The following NBAS variants were observed in gnomAD, a reference collection of about 807,000 sequenced individuals.
NBAS encodes NAG/BC035112 fusion.
Under a neutral mutation model 302.5 loss-of-function variants are expected in NBAS, and 219 were observed. The ratio of observed to expected loss-of-function variants is 0.72; its 90% CI spans 0.65 to 0.81. The LOEUF is 0.81. NBAS is among the 30% of genes least tolerant of loss of function. The pLI, the probability that NBAS is intolerant of heterozygous loss-of-function variation, is 0.00. For missense variants in NBAS, 2,932 were observed against 2,841.6 expected, an observed-to-expected ratio of 1.03 and a Z score of -0.72; for synonymous variants, 1,118 against 1,021.6, an observed-to-expected ratio of 1.09 and a Z score of -1.80.
chr2:15,503,862 G>A (rs1661704580), intron 11 of NBAS, among the ~76,000 whole-genome samples: 1 of 152,126 alleles, frequency 6.6e-6, no homozygotes, highest in African/African-American at 2.4e-5. Context: ...TGTATATAAT[G>A]TTTCTAGGAG....
At chr2:14,992,827 T>C in the NBAS span, among the ~76,000 whole-genome samples, 748 of 152,220 alleles carry the variant, frequency 4.9e-3, 2 homozygotes, top group Admixed American at 0.01. Flanking sequence ...GATTCTAAAC[T>C]GGTCAAAGGA....
At chr2:15,083,673 A>G in the NBAS span, among the ~76,000 whole-genome samples, 2 of 152,210 alleles carry the variant, frequency 1.3e-5, no homozygotes, top group Non-Finnish European at 2.9e-5. Context: ...TATCACAACA[A>G]AATCACAGTT....
intron 36 of NBAS, among the ~76,000 whole-genome samples, chr2:15,329,590 T>C (rs565284780): frequency 2.2e-4 from 34 of 152,324 alleles, no homozygotes; most frequent in Non-Finnish European, 3.8e-4. Flanking sequence ...ATAGTCGTTA[T>C]CACAGTCTAC....
the NBAS span, among the ~76,000 whole-genome samples, chr2:14,863,948 G>A: frequency 2.6e-5 from 4 of 152,092 alleles, no homozygotes; most frequent in Admixed American, 1.3e-4. Flanking sequence ...TGGCATTTGA[G>A]GGCAAAAGCT....
At chr2:15,079,103 C>A in the NBAS span, among the ~76,000 whole-genome samples, 1 of 152,094 alleles carries the variant, frequency 6.6e-6, no homozygotes, top group African/African-American at 2.4e-5. Flanking sequence ...TAGGTGACCT[C>A]AGAATCCTCT....
chr2:14,789,278 C>T, the NBAS span, among the ~76,000 whole-genome samples: 25 of 152,294 alleles, frequency 1.6e-4, no homozygotes, highest in South Asian at 2.3e-3. Context: ...CGACCCCTTG[C>T]GCTTCCCAAG....
intron 35 of NBAS, among the ~76,000 whole-genome samples, chr2:15,341,903 G>C (rs1672870560): frequency 6.6e-6 from 1 of 152,046 alleles, no homozygotes; most frequent in African/African-American, 2.4e-5. Flanking sequence ...GAATTGTGTT[G>C]GCACTGTGTT....
chr2:15,530,181 G>A (rs539358478), intron 9 of NBAS, among the ~76,000 whole-genome samples: 1 of 152,132 alleles, frequency 6.6e-6, no homozygotes, highest in African/African-American at 2.4e-5. Flanking sequence ...TAAGTTAACA[G>A]TATTATATTT....
intron 25 of NBAS, among the ~76,000 whole-genome samples, chr2:15,410,211 A>C (rs1236018167): frequency 6.6e-6 from 1 of 152,186 alleles, no homozygotes. Context: ...TATTTTCTGC[A>C]TGACAAAGAA....
chr2:14,994,074 A>G, the NBAS span, among the ~76,000 whole-genome samples: 2 of 152,188 alleles, frequency 1.3e-5, no homozygotes, highest in Admixed American at 6.5e-5. Flanking sequence ...ATGTTTGCTT[A>G]CATGCATCTT....
chr2:14,946,154 A>C, the NBAS span, among the ~76,000 whole-genome samples: 1 of 152,212 alleles, frequency 6.6e-6, no homozygotes, highest in African/African-American at 2.4e-5. Flanking sequence ...CAAAGAGTAA[A>C]AAGTTTATCA....
chr2:14,881,173 A>G, the NBAS span, among the ~76,000 whole-genome samples: 33 of 152,158 alleles, frequency 2.2e-4, no homozygotes, highest in Non-Finnish European at 3.8e-4. Flanking sequence ...TAATGAAGTC[A>G]TATCCTTTGC....
the NBAS span, among the ~76,000 whole-genome samples, chr2:14,787,723 A>C: frequency 1.3e-5 from 2 of 152,118 alleles, no homozygotes; most frequent in Non-Finnish European, 2.9e-5. Context: ...CTTTGTGGGT[A>C]ACCCGACCTT....
At chr2:15,227,926 G>A (rs1186825701) in intron 47 of NBAS, among the ~76,000 whole-genome samples, 2 of 152,118 alleles carry the variant, frequency 1.3e-5, no homozygotes, top group Non-Finnish European at 2.9e-5. Context: ...AAATTGGACT[G>A]AGAAAAGATA....
chr2:15,180,687 C>T (rs1664777990), intron 50 of NBAS, among the ~76,000 whole-genome samples: 1 of 152,206 alleles, frequency 6.6e-6, no homozygotes. Flanking sequence ...CTGCCCAATA[C>T]CGCAGCCACA....
In NBAS at chr2:15,167,132, C is replaced by A. The variant is rs1186052888; in HGVS notation, c.7032G>T (p.Gly2344=). Residue 2344 remains glycine, a synonymous_variant, in exon 52 of 52, where the codon GGG becomes GGT. Coordinates refer to ENST00000281513, the MANE Select transcript of NBAS (RefSeq NM_015909.4). The part of the protein sequence containing the change: ...LREAGHEAEA[G]SLLLAVRGTH... ...TCCCCCTCACGGCCAGAAGGAGAGA[C>A]CCGGCTTCGGCTTCATGGCCGGCCT... The A allele has an allele frequency of 3.1e-6, 5 of 1,614,074 alleles. No individual in the cohort carries two copies. The African/African-American group carries it at 6.7e-5, about 22-fold the overall frequency.
At chr2:15,560,960 C>T (rs1330673013) in intron 1 of NBAS, among the ~76,000 whole-genome samples, 1 of 152,160 alleles carries the variant, frequency 6.6e-6, no homozygotes, top group Non-Finnish European at 1.5e-5. Flanking sequence ...GAAGTTCCAG[C>T]CCCCAACAAC....
chr2:15,224,634 T>C (rs994166918), intron 47 of NBAS, among the ~76,000 whole-genome samples: 6 of 152,004 alleles, frequency 3.9e-5, no homozygotes, highest in Admixed American at 3.9e-4. Context: ...GACAGGAAAA[T>C]AGTGGAAAAA....
chr2:15,065,680 A>G, the NBAS span, among the ~76,000 whole-genome samples: 2 of 152,022 alleles, frequency 1.3e-5, no homozygotes, highest in African/African-American at 4.8e-5. Flanking sequence ...AAACTTAACC[A>G]AGGAGGCAAA....
Sources: gnomAD v4.1 joint callset for allele counts (sites outside exome capture counted in the v4.1 genomes callset) on GRCh38, gnomAD v4.1.1 for gene constraint, MANE v1.5 for transcripts, NCBI Gene and HGNC (gene_info 2026-07-23, HGNC 2026-07-21) for gene names.